DLC1: variants seen among roughly 807,000 people sequenced by gnomAD.
The protein encoded by DLC1 is rho GTPase-activating protein 7.
In DLC1, 54 loss-of-function variants were observed where a neutral mutation model predicts 140.3. The ratio of observed to expected loss-of-function variants is 0.38; its 90% CI spans 0.31 to 0.48. DLC1 has a LOEUF of 0.48. Ranked by LOEUF, DLC1 falls within the 20% of genes least tolerant of loss-of-function variation. The pLI is 0.96. For missense variants in DLC1, 2,536 were observed against 1,907.0 expected (o/e 1.33, Z -6.14); for synonymous variants, 986 against 728.1 (o/e 1.35, Z -5.70).
chr8:13,428,000 A>G (rs185312788), intron 2 of DLC1, among the ~76,000 whole-genome samples: 3 of 152,278 alleles, frequency 2.0e-5, no homozygotes, highest in East Asian at 3.9e-4. Flanking sequence ...TTGCAGAGAG[A>G]CAACATCCTC....
At chr8:13,127,034 C>G (rs901301549) in intron 5 of DLC1, among the ~76,000 whole-genome samples, 1 of 152,142 alleles carries the variant, frequency 6.6e-6, no homozygotes, top group Non-Finnish European at 1.5e-5. Flanking sequence ...CCACCTCCAG[C>G]CATTTCTATG....
chr8:13,513,634 A>G (rs975099778), intron 1 of DLC1, among the ~76,000 whole-genome samples: 2 of 152,210 alleles, frequency 1.3e-5, no homozygotes, highest in African/African-American at 4.8e-5. Flanking sequence ...GAATTTTATT[A>G]TAAATATTCA....
intron 5 of DLC1, among the ~76,000 whole-genome samples, chr8:13,279,130 C>T (rs1028375291): frequency 2.0e-4 from 30 of 152,102 alleles, no homozygotes; most frequent in African/African-American, 7.2e-4. Context: ...AATAAAATAA[C>T]GAACAGGACC....
intron 4 of DLC1, among the ~76,000 whole-genome samples, chr8:13,337,010 T>G (rs571977651): frequency 2.0e-5 from 3 of 152,298 alleles, no homozygotes; most frequent in South Asian, 4.1e-4. Context: ...AATCAATTGT[T>G]TCTGGTCAAA....
intron 6 of DLC1, among the ~76,000 whole-genome samples, chr8:13,114,341 G>A (rs570711558): frequency 2.6e-5 from 4 of 152,296 alleles, no homozygotes; most frequent in East Asian, 1.9e-4. Flanking sequence ...CAGCCAGGGC[G>A]ACAGAGCGAG....
intron 5 of DLC1, among the ~76,000 whole-genome samples, chr8:13,246,093 C>T (rs1829751601): frequency 6.6e-6 from 1 of 152,222 alleles, no homozygotes. Context: ...CCTGAGACAA[C>T]ATAATATTAC....
intron 5 of DLC1, among the ~76,000 whole-genome samples, chr8:13,291,517 AC>A (rs1326593633): frequency 4.6e-5 from 7 of 152,130 alleles, no homozygotes; most frequent in Admixed American, 4.6e-4. Context: ...TGAAAATCAA[AC>A]CCTGTCCACT....
At chr8:13,499,009 C>G (rs879180181) in intron 2 of DLC1, 40 bp downstream of exon 2, 1 of 1,533,106 alleles carries the variant, frequency 6.5e-7, no homozygotes, top group South Asian at 1.3e-5. Context: ...AGGATATTTA[C>G]AAAATTTCAA....
In DLC1 at chr8:13,547,914, G is replaced by A. The variant is rs1038695066; in HGVS notation, c.-125-47718C>T. ...GAATCTCTCTTTTTTCTTGTCTTCCGGATGAAATTGCTTCATCTTCAAAAT... is the reference window on the plus strand; with the variant it reads ...GAATCTCTCTTTTTTCTTGTCTTCCAGATGAAATTGCTTCATCTTCAAAAT... On this transcript the variant is annotated intron_variant, in intron 1 of 1. Coordinates refer to the DLC1 transcript ENST00000631382. Among the ~76,000 whole-genome samples the A allele has an allele frequency of 3.3e-5, 5 of 151,530 alleles. No individual in the cohort carries two copies. In the East Asian group the frequency reaches 7.8e-4, roughly 23 times the overall value.
At chr8:13,209,127 A>G (rs1827813985) in intron 5 of DLC1, among the ~76,000 whole-genome samples, 1 of 152,142 alleles carries the variant, frequency 6.6e-6, no homozygotes, top group African/African-American at 2.4e-5. Context: ...AGATCTTTGG[A>G]CTGGGGAACT....
chr8:13,100,801 C>G, intron 8 of DLC1, 31 bp from the exon 9 acceptor site: 5 of 1,525,954 alleles, frequency 3.3e-6, no homozygotes, highest in Non-Finnish European at 3.5e-6. Context: ...CATTCACACA[C>G]TGGGGCTGGC....
At chr8:13,265,477 C>T (rs1563209124) in intron 5 of DLC1, among the ~76,000 whole-genome samples, 1 of 152,118 alleles carries the variant, frequency 6.6e-6, no homozygotes, top group South Asian at 2.1e-4. Flanking sequence ...GAGTCATGCT[C>T]AGGGTCACAG....
At chr8:13,497,248 A>G (rs1287796811) in intron 2 of DLC1, among the ~76,000 whole-genome samples, 1 of 152,202 alleles carries the variant, frequency 6.6e-6, no homozygotes, top group Non-Finnish European at 1.5e-5. Flanking sequence ...CGAATTGCCA[A>G]TTCAATGGTA....
intron 4 of DLC1, among the ~76,000 whole-genome samples, chr8:13,347,717 A>G (rs534274252): frequency 5.3e-5 from 8 of 152,308 alleles, no homozygotes; most frequent in African/African-American, 1.9e-4. Flanking sequence ...TCTCTCCTAT[A>G]TGGGCACAGA....
chr8:13,503,388 A>T (rs1193075782), intron 1 of DLC1, among the ~76,000 whole-genome samples: 1 of 152,054 alleles, frequency 6.6e-6, no homozygotes, highest in Non-Finnish European at 1.5e-5. Flanking sequence ...TGGGTGATAG[A>T]GCAAAAAAAA....
chr8:13,454,851 C>T (rs934190861), intron 2 of DLC1, among the ~76,000 whole-genome samples: 3 of 152,138 alleles, frequency 2.0e-5, no homozygotes, highest in Admixed American at 6.5e-5. Flanking sequence ...TTGTGCCTGG[C>T]CAAGAGTTTT....
At chr8:13,254,986 A>AT (rs561387177) in intron 5 of DLC1, among the ~76,000 whole-genome samples, 8 of 148,698 alleles carry the variant, frequency 5.4e-5, no homozygotes, top group South Asian at 2.1e-4. Flanking sequence ...CTTTTTTCTT[A>AT]TTTTTTTTGA....
At chr8:13,431,480 C>T (rs1838862905) in intron 2 of DLC1, among the ~76,000 whole-genome samples, 2 of 29,708 alleles carry the variant, frequency 6.7e-5, no homozygotes, top group African/African-American at 3.4e-4. Flanking sequence ...GAGACTCCGT[C>T]TCAAAAAAAA....
chr8:13,176,611 G>A (rs901873193), intron 5 of DLC1, among the ~76,000 whole-genome samples: 88 of 152,028 alleles, frequency 5.8e-4, no homozygotes, highest in African/African-American at 2.0e-3. Flanking sequence ...CTCTCTTTTT[G>A]ATTAAAAAAA....
Sources: gnomAD v4.1 joint callset for allele counts (sites outside exome capture counted in the v4.1 genomes callset) on GRCh38, gnomAD v4.1.1 for gene constraint, MANE v1.5 for transcripts, NCBI Gene and HGNC (gene_info 2026-07-23, HGNC 2026-07-21) for gene names.